The following NCKAP5 variants were observed in gnomAD, a reference collection of about 807,000 sequenced individuals.
NCKAP5 encodes the protein NCK associated protein 5, also known as nck-associated protein 5.
NCKAP5 carries 92 observed loss-of-function variants against 167.0 expected under a neutral mutation model. The ratio of observed to expected loss-of-function variants is 0.55; its 90% CI spans 0.47 to 0.66. The LOEUF is 0.66. NCKAP5 is among the 30% of genes least tolerant of loss of function. The probability of loss-of-function intolerance (pLI) is 0.00; values close to 1 mark genes in which losing one functional copy is unlikely to be tolerated. For synonymous variants in NCKAP5, 891 were observed against 877.4 expected (o/e 1.02, Z -0.27); for missense variants, 2,378 against 2,315.0 (o/e 1.03, Z -0.56).
chr2:132,834,078 C>T (rs1309615515), intron 11 of NCKAP5, among the ~76,000 whole-genome samples: 3 of 152,162 alleles, frequency 2.0e-5, no homozygotes, highest in Non-Finnish European at 4.4e-5. Flanking sequence ...TGAAACTTTA[C>T]TGAATTCATT....
Position 133,299,632 on chromosome 2 carries a change from T to TC in NCKAP5, c.143+3404dup, listed in dbSNP as rs1331947792. 2.0e-5 allele frequency among the ~76,000 whole-genome samples: 3 copies of TC among 152,164 alleles called. No homozygotes were observed. In the East Asian group the frequency reaches 5.8e-4, roughly 29 times the overall value. On this transcript the variant is annotated intron_variant, in intron 4 of 19. Coordinates refer to ENST00000409261, the MANE Select transcript of NCKAP5 (RefSeq NM_207363.3). ...CGAGTGTGGCGGAAGGCACCTGTAA[T>TC]CCCAGCTACACGGGAGGCTGAGGCA...
Position 133,264,001 on chromosome 2 carries a change from A to T in NCKAP5, c.143+39036T>A, listed in dbSNP as rs77393468. Among the ~76,000 whole-genome samples the T allele has an allele frequency of 1.8e-3, 275 of 152,240 alleles. 1 individual carries two copies. The highest frequency in any genetic ancestry group is 6.3e-3 in the African/African-American group (263 of 41,554). ...CCAGCAACTTTGTGCTAACACTTTC[A>T]TCCCATTTTAGATCCTAGGATAAGG... On this transcript the variant is annotated intron_variant, in intron 4 of 19. Transcript: ENST00000409261.
intron 3 of NCKAP5, among the ~76,000 whole-genome samples, chr2:133,466,982 C>A (rs1206897124): frequency 1.3e-5 from 2 of 152,046 alleles, no homozygotes; most frequent in Admixed American, 1.3e-4. Flanking sequence ...TCCTCTTTTC[C>A]TAATTGAATA....
intron 3 of NCKAP5, among the ~76,000 whole-genome samples, chr2:133,502,162 T>C (rs1238867679): frequency 6.6e-6 from 1 of 152,236 alleles, no homozygotes; most frequent in Non-Finnish European, 1.5e-5. Context: ...CCTGTCTGGC[T>C]AGTTTGCTCA....
chr2:132,711,555 T>C (rs893098054), intron 19 of NCKAP5, among the ~76,000 whole-genome samples: 3 of 152,242 alleles, frequency 2.0e-5, no homozygotes, highest in African/African-American at 7.2e-5. Flanking sequence ...GTATATCTGG[T>C]TGCCTCATTC....
chr2:133,152,597 A>C (rs577900388), intron 5 of NCKAP5, among the ~76,000 whole-genome samples: 1 of 152,190 alleles, frequency 6.6e-6, no homozygotes, highest in Non-Finnish European at 1.5e-5. Flanking sequence ...ATGAAATATT[A>C]TTCAGTGATA....
intron 3 of NCKAP5, among the ~76,000 whole-genome samples, chr2:133,403,482 G>A (rs1019685450): frequency 2.0e-5 from 3 of 152,132 alleles, no homozygotes; most frequent in Admixed American, 2.0e-4. Context: ...ATTGAGTTTT[G>A]AAAATTTTGG....
the NCKAP5 span, among the ~76,000 whole-genome samples, chr2:133,655,249 A>G: frequency 6.6e-6 from 1 of 152,184 alleles, no homozygotes; most frequent in East Asian, 1.9e-4. Flanking sequence ...GATGTAGTCA[A>G]CCAAGTAAGG....
intron 6 of NCKAP5, among the ~76,000 whole-genome samples, chr2:133,021,467 A>G (rs1168088306): frequency 6.6e-6 from 1 of 152,212 alleles, no homozygotes; most frequent in East Asian, 1.9e-4. Flanking sequence ...TTGAAGAAAA[A>G]GTTTCTAATA....
chr2:133,669,307 A>G, the NCKAP5 span, among the ~76,000 whole-genome samples: 1 of 152,146 alleles, frequency 6.6e-6, no homozygotes, highest in Non-Finnish European at 1.5e-5. Flanking sequence ...CCTGAGTTCT[A>G]GAAACATTGA....
chr2:132,814,982 C>T (rs1230835771), intron 11 of NCKAP5, among the ~76,000 whole-genome samples: 1 of 152,130 alleles, frequency 6.6e-6, no homozygotes, highest in Admixed American at 6.5e-5. Context: ...AAGAGAAATT[C>T]CTAATCTCCT....
chr2:133,153,986 G>T (rs573368678), intron 5 of NCKAP5, among the ~76,000 whole-genome samples: 1 of 151,444 alleles, frequency 6.6e-6, no homozygotes. Flanking sequence ...GATTATAGGC[G>T]CCCGACCACC....
chr2:133,111,850 T>C (rs995721314), intron 6 of NCKAP5, among the ~76,000 whole-genome samples: 17 of 151,948 alleles, frequency 1.1e-4, no homozygotes, highest in African/African-American at 3.1e-4. Context: ...GAGTAAAAGA[T>C]AAATTAGTGG....
chr2:133,299,715 C>A (rs1680234253), intron 4 of NCKAP5, among the ~76,000 whole-genome samples: 1 of 152,154 alleles, frequency 6.6e-6, no homozygotes, highest in Admixed American at 6.5e-5. Flanking sequence ...CCTGCCATTG[C>A]ACTCCAGCCT....
chr2:132,776,614 AAGTGGGAG>A (rs1682573066), intron 15 of NCKAP5, among the ~76,000 whole-genome samples: 1 of 152,186 alleles, frequency 6.6e-6, no homozygotes. Flanking sequence ...AGAAAATGGA[AAGTGGGAG>A]AGTGCTTTAG....
intron 3 of NCKAP5, among the ~76,000 whole-genome samples, chr2:133,440,709 C>CAA (rs1174654151): frequency 0.011 from 375 of 32,610 alleles, 34 homozygotes; most frequent in Middle Eastern, 0.042. Flanking sequence ...GACTCTGTCT[C>CAA]AAAAAAAAAA....
chr2:132,808,076 T>G (rs1685570905), intron 11 of NCKAP5, among the ~76,000 whole-genome samples: 1 of 152,180 alleles, frequency 6.6e-6, no homozygotes, highest in Non-Finnish European at 1.5e-5. Context: ...TTGTGTAGGT[T>G]AAACCATCCC....
At chr2:133,036,724 G>A (rs1238041585) in intron 6 of NCKAP5, among the ~76,000 whole-genome samples, 2 of 151,976 alleles carry the variant, frequency 1.3e-5, no homozygotes, top group Non-Finnish European at 1.5e-5. Context: ...ACTTAATGGA[G>A]TAAAACTAAA....
intron 8 of NCKAP5, among the ~76,000 whole-genome samples, chr2:132,918,617 C>T (rs1695069855): frequency 2.0e-5 from 3 of 152,104 alleles, no homozygotes; most frequent in Admixed American, 2.0e-4. Flanking sequence ...GATGACAATG[C>T]TATTATAAAA....
Sources: allele counts gnomAD v4.1 joint callset (sites outside exome capture counted in the v4.1 genomes callset), GRCh38; gene constraint gnomAD v4.1.1; transcripts MANE v1.5; gene names NCBI Gene and HGNC (gene_info 2026-07-23, HGNC 2026-07-21).